Variants in ADCK2 observed in about 807,000 individuals in gnomAD.
The protein encoded by ADCK2 is aarF domain containing kinase 2.
ADCK2 carries 37 observed loss-of-function variants against 52.3 expected under a neutral mutation model. The ratio of observed to expected loss-of-function variants is 0.71; its 90% CI spans 0.54 to 0.93. The LOEUF (loss-of-function observed/expected upper bound fraction) is 0.93. ADCK2 is among the 40% of genes least tolerant of loss of function. The pLI, the probability that ADCK2 is intolerant of heterozygous loss-of-function variation, is 0.00. For missense variants in ADCK2, 695 were observed against 798.7 expected (o/e 0.87, Z 1.56); for synonymous variants, 321 against 349.2 (o/e 0.92, Z 0.90).
At chr7:140,676,791 G>C (rs955295702) in intron 2 of ADCK2, among the ~76,000 whole-genome samples, 65 of 152,316 alleles carry the variant, frequency 4.3e-4, no homozygotes, top group Non-Finnish European at 3.2e-4. Flanking sequence ...GGAGGCTGAA[G>C]TGGGTGGATT....
At chr7:140,679,359 G>C in intron 3 of ADCK2, 76 bp downstream of exon 3, 1 of 1,576,784 alleles carries the variant, frequency 6.3e-7, no homozygotes, top group Non-Finnish European at 8.7e-7. Flanking sequence ...CCACAGAAAG[G>C]CTTCAGTCTG....
chr7:140,688,999 ACT>A (rs1230063862), intron 5 of ADCK2, among the ~76,000 whole-genome samples: 1 of 151,136 alleles, frequency 6.6e-6, no homozygotes, highest in African/African-American at 2.4e-5. Flanking sequence ...ATGGAATCTC[ACT>A]CTGTTCCCTG....
At chr7:140,680,958 C>A in intron 3 of ADCK2, 84 bp from the exon 4 acceptor site, 1 of 1,203,936 alleles carries the variant, frequency 8.3e-7, no homozygotes, top group Non-Finnish European at 1.2e-6. Flanking sequence ...AGTGAGAAGA[C>A]AGCGCTGTGG....
intron 4 of ADCK2, among the ~76,000 whole-genome samples, chr7:140,686,211 C>A (rs1485617057): frequency 1.3e-5 from 2 of 152,186 alleles, no homozygotes; most frequent in Non-Finnish European, 1.5e-5. Flanking sequence ...TGATTCAAAT[C>A]ATAAAGTAAA....
Position 140,673,712 on chromosome 7 carries a change from A to C in ADCK2, c.382A>C (p.Thr128Pro). The C allele has an allele frequency of 6.2e-7, 1 of 1,608,094 alleles. No homozygotes were observed. The highest frequency in any genetic ancestry group is 8.5e-7 in the Non-Finnish European group (1 of 1,178,660). ...CACCTACCTGGCTCCCAGCGTCTCC[A>C]CCCTCTGGCTCCACCTGCTTCTGAA... ...PLTYLAPSVS[T>P]LWLHLLLKAT... The change falls in exon 1 of 8, where the codon ACC becomes CCC. Residue 128 changes from threonine (T) to proline (P), a missense_variant. Physicochemically the swap from Thr to Pro is conservative, Grantham distance 38 (BLOSUM62 -1). Coordinates refer to ENST00000072869, the MANE Select transcript of ADCK2 (RefSeq NM_052853.4). The surrounding 1 kb of genome is among the most constrained non-coding windows in gnomAD (Gnocchi z 6.4).
chr7:140,687,343 C>T (rs765122371), intron 5 of ADCK2, 102 bp downstream of exon 5: 9 of 1,422,946 alleles, frequency 6.3e-6, no homozygotes, highest in Non-Finnish European at 6.5e-6. Flanking sequence ...ACTTTGGAAG[C>T]CTGAGCGGGG....
chr7:140,683,974 A>T (rs1035819720), intron 4 of ADCK2, among the ~76,000 whole-genome samples: 1 of 152,150 alleles, frequency 6.6e-6, no homozygotes, highest in African/African-American at 2.4e-5. Flanking sequence ...TGGGAGTAGG[A>T]TGCAGAGGGC....
rs560948581 is a variant in ADCK2, at chr7:140,693,225, C to T, written c.1741-1438C>T. 1.3e-5 allele frequency among the ~76,000 whole-genome samples: 2 copies of T among 152,136 alleles called. No homozygotes were observed. Among genetic ancestry groups the T allele is most frequent in the African/African-American group, 2.4e-5 (1 of 41,510 alleles). On this transcript the variant is annotated intron_variant, in intron 7 of 7. Coordinates refer to ENST00000072869, the MANE Select transcript of ADCK2 (RefSeq NM_052853.4). This position sits in a 1 kb window ranked among gnomAD's most constrained non-coding sequence, Gnocchi z 4.0. Reference sequence around the variant, plus strand: ...AAGGAATCTAATCCACACTAAGAACCCCCCACCCAGCTTCAGAATGAAAGC... The same window carrying T: ...AAGGAATCTAATCCACACTAAGAACTCCCCACCCAGCTTCAGAATGAAAGC...
chr7:140,679,662 CTTTTTTTTTTTTTT>C (rs57302302), intron 3 of ADCK2, among the ~76,000 whole-genome samples: 2 of 75,314 alleles, frequency 2.7e-5, no homozygotes, highest in African/African-American at 4.6e-5. Context: ...CCTTCTCTCT[CTTTTTTTTTTTTTT>C]TTTTTTTTTT....
chr7:140,677,731 C>G (rs908047703), intron 2 of ADCK2, among the ~76,000 whole-genome samples: 3 of 152,174 alleles, frequency 2.0e-5, no homozygotes, highest in Non-Finnish European at 2.9e-5. Flanking sequence ...TGAACCTGAG[C>G]CTGGCTGAAC....
At position 140,686,587 on chromosome 7, in the gene ADCK2, T is replaced by C. The variant is rs568154770; in HGVS notation, c.1306-403T>C. Among the ~76,000 whole-genome samples, 14 of 152,200 alleles carry C rather than the reference T, an allele frequency of 9.2e-5. No homozygotes were observed. The South Asian group carries it at 2.7e-3, about 29-fold the overall frequency. ...GAGCCACCACACCCGGCCTTATTTA[T>C]TTATTTTTACAAGACAGGGTCCTGC... On this transcript the variant is annotated intron_variant, in intron 4 of 7. Coordinates refer to ENST00000072869, the MANE Select transcript of ADCK2 (RefSeq NM_052853.4).
Position 140,680,974 on chromosome 7 carries a change from C to G in ADCK2, c.1210-68C>G, listed in dbSNP as rs1175782349. The G allele has an allele frequency of 2.8e-6, 4 of 1,417,474 alleles. No individual in the cohort carries two copies. The Admixed American group carries it at 5.1e-5, about 18-fold the overall frequency. The allele number at this position is 1,417,474 out of a possible 1,614,324, so 87.8% of individuals were successfully genotyped here. ...GTGAGAAGACAGCGCTGTGGTGCCA[C>G]GTGGGAGGAGGAGCCAGCATCACAG... On this transcript the variant is annotated intron_variant, in intron 3 of 7. Transcript: ENST00000072869.
In ADCK2 at chr7:140,677,523, CTT is replaced by C. The variant is rs1369446198; in HGVS notation, c.1081-1625_1081-1624del. ...TGCATCTGTATTGAACATGTACAGA[CTT>C]TTTTTTCTTGCATTATTCCCTTAAC... On this transcript the variant is annotated intron_variant, in intron 2 of 7. Transcript: ENST00000072869. 2.0e-5 allele frequency among the ~76,000 whole-genome samples: 3 copies of C among 152,008 alleles called. No homozygotes were observed. The East Asian group carries it at 5.8e-4, about 29-fold the overall frequency.
chr7:140,684,954 G>C (rs957548700), intron 4 of ADCK2, among the ~76,000 whole-genome samples: 1 of 152,090 alleles, frequency 6.6e-6, no homozygotes, highest in Non-Finnish European at 1.5e-5. Flanking sequence ...ATGTAGCCAG[G>C]GGAGAAGCAC....
At chr7:140,681,204 G>C in intron 4 of ADCK2, 67 bp downstream of exon 4, 4 of 1,472,694 alleles carry the variant, frequency 2.7e-6, no homozygotes, top group Non-Finnish European at 3.8e-6. Flanking sequence ...GAGTGGGCTG[G>C]GACTCTGGCT....
Position 140,673,194 on chromosome 7 carries a change from G to A in ADCK2, c.-137G>A, listed in dbSNP as rs1801660016. 3 of 643,024 alleles carry A rather than the reference G, an allele frequency of 4.7e-6. No individual in the cohort carries two copies. The highest frequency in any genetic ancestry group is 6.9e-6 in the Non-Finnish European group (3 of 437,814). The allele number at this position is 643,024 out of a possible 1,614,324, so 39.8% of individuals were successfully genotyped here. ...CTGAGGCCCGGCGAGGTGCTGGAGGGAGCGGGGCGCGGATCCGGCCCAGAT... is the reference window on the plus strand; with the variant it reads ...CTGAGGCCCGGCGAGGTGCTGGAGGAAGCGGGGCGCGGATCCGGCCCAGAT... On this transcript the variant is annotated 5_prime_UTR_variant, in exon 1 of 8. Transcript: ENST00000072869. This position sits in a 1 kb window ranked among gnomAD's most constrained non-coding sequence, Gnocchi z 6.4.
Position 140,674,882 on chromosome 7 carries a change from G to GT in ADCK2, c.1080+126dup. On this transcript the variant is annotated intron_variant, in intron 2 of 7. Transcript: ENST00000072869. This position sits in a 1 kb window ranked among gnomAD's most constrained non-coding sequence, Gnocchi z 4.6. ...TAACTCATGTGATGTGTTAGAGCTG[G>GT]TAACACTAGCTGATAAAGAACATCC... 8.5e-7 allele frequency: 1 copy of GT among 1,178,916 alleles called. No individual in the cohort carries two copies. The highest frequency in any genetic ancestry group is 1.2e-6 in the Non-Finnish European group (1 of 863,814). 73.0% of individuals were successfully genotyped at this position (1,178,916 alleles called of 1,614,324 possible).
At position 140,673,520 on chromosome 7, in the gene ADCK2, GT is replaced by G; in HGVS notation, c.192del (p.Leu65Ter). 1 of 1,600,960 alleles carries G rather than the reference GT, an allele frequency of 6.2e-7. No individual in the cohort carries two copies. The highest frequency in any genetic ancestry group is 8.5e-7 in the Non-Finnish European group (1 of 1,176,588). ...CGDVGEGAPD[V>X]LSRRRVRCSG... The stretch of plus-strand genomic sequence containing the variant: ...GGACGTGGGTGAGGGGGCCCCTGAC[GT>G]TCTGAGTCGGCGAAGGGTCCGCTGC... On this transcript the variant is annotated frameshift_variant, in exon 1 of 8. Transcript: ENST00000072869. LOFTEE classifies it high-confidence loss of function. This position sits in a 1 kb window ranked among gnomAD's most constrained non-coding sequence, Gnocchi z 6.4.
Position 140,674,282 on chromosome 7 carries a change from C to T in ADCK2, c.933+19C>T, listed in dbSNP as rs1563205511. On this transcript the variant is annotated intron_variant, in intron 1 of 7. Transcript: ENST00000072869. The surrounding 1 kb of genome is among the most constrained non-coding windows in gnomAD (Gnocchi z 4.6). ...AGTGAAAGTAAGTGTTGTGAGAGCT[C>T]ACAGCTCACCTACCCACTGAGCTAT... The T allele has an allele frequency of 2.5e-6, 4 of 1,593,066 alleles. No homozygotes were observed. The highest frequency in any genetic ancestry group is 2.6e-6 in the Non-Finnish European group (3 of 1,168,366).
Sources: allele counts gnomAD v4.1 joint callset (sites outside exome capture counted in the v4.1 genomes callset), GRCh38; gene constraint gnomAD v4.1.1; non-coding constraint Gnocchi (gnomAD v3.1); transcripts MANE v1.5; gene names NCBI Gene and HGNC (gene_info 2026-07-23, HGNC 2026-07-21).